Variants in FGD4 observed in about 807,000 individuals in gnomAD.
The protein encoded by FGD4 is FYVE, RhoGEF and PH domain-containing protein 4.
A neutral mutation model predicts 102.0 loss-of-function variants in FGD4; 42 were observed. That is an observed-to-expected ratio of 0.41 (90% CI 0.32 to 0.53). The LOEUF (loss-of-function observed/expected upper bound fraction) is 0.53, where lower values mean the gene tolerates loss of function less well. FGD4 is among the 20% of genes least tolerant of loss of function. The pLI is 0.21. For synonymous variants in FGD4, 380 were observed against 375.7 expected (o/e 1.01, Z -0.13); for missense variants, 902 against 1,078.2 (o/e 0.84, Z 2.29).
chr12:32,400,811 C>G (rs930414934), intron 1 of FGD4, among the ~76,000 whole-genome samples: 4 of 152,178 alleles, frequency 2.6e-5, no homozygotes, highest in Non-Finnish European at 4.4e-5. Flanking sequence ...ACAAATAATT[C>G]TAATTACTTT....
At chr12:32,519,645 T>TA (rs796364765) in intron 1 of FGD4, among the ~76,000 whole-genome samples, 66 of 151,366 alleles carry the variant, frequency 4.4e-4, no homozygotes, top group African/African-American at 1.4e-3. Context: ...TAAAATAAAA[T>TA]AAAAAAATAA....
chr12:32,581,843 A>G, intron 3 of FGD4, 117 bp from the exon 4 acceptor site: 3 of 1,111,786 alleles, frequency 2.7e-6, no homozygotes, highest in Non-Finnish European at 3.9e-6. Flanking sequence ...TTCTGAAACC[A>G]TCAGAGATAG....
chr12:32,512,409 T>C (rs1371191777), intron 1 of FGD4, among the ~76,000 whole-genome samples: 1 of 151,150 alleles, frequency 6.6e-6, no homozygotes, highest in African/African-American at 2.4e-5. Context: ...ATCCTGTCAT[T>C]GCACCCCAGC....
At chr12:32,463,716 G>T (rs1943173267) in intron 1 of FGD4, among the ~76,000 whole-genome samples, 1 of 152,178 alleles carries the variant, frequency 6.6e-6, no homozygotes, top group Non-Finnish European at 1.5e-5. Flanking sequence ...AGAAACTTAG[G>T]CTCCAAGTTT....
In FGD4 at chr12:32,595,140, T is replaced by C. The variant is rs141217933; in HGVS notation, c.1012-3357T>C. 1.9e-3 allele frequency among the ~76,000 whole-genome samples: 297 copies of C among 152,312 alleles called. 2 individuals carry two copies. Among genetic ancestry groups the C allele is most frequent in the East Asian group, 0.016 (81 of 5,190 alleles). On this transcript the variant is annotated intron_variant, in intron 4 of 16. Transcript: ENST00000534526. ...GACAGCATATTCCTGTATCTTCCTCTGAAATATTGATAGGTGTCTTATGTA... is the reference window on the plus strand; with the variant it reads ...GACAGCATATTCCTGTATCTTCCTCCGAAATATTGATAGGTGTCTTATGTA...
intron 6 of FGD4, 57 bp downstream of exon 6, chr12:32,601,480 C>CG: frequency 6.4e-7 from 1 of 1,552,440 alleles, no homozygotes; most frequent in South Asian, 1.2e-5. Flanking sequence ...TATTTTTCAG[C>CG]TTTTAAATTG....
chr12:32,412,896 GA>G (rs1474682789), intron 1 of FGD4, among the ~76,000 whole-genome samples: 12 of 89,480 alleles, frequency 1.3e-4, no homozygotes, highest in African/African-American at 2.4e-4. Flanking sequence ...CCCTTTTCTA[GA>G]AATTTTTTTT....
chr12:32,422,288 C>CTTTTTTTTTTTGTTTTTTTT (rs1941661818), intron 1 of FGD4, among the ~76,000 whole-genome samples: 1 of 54,154 alleles, frequency 1.8e-5, no homozygotes, highest in Non-Finnish European at 3.3e-5. Flanking sequence ...TTGGGAGCTG[C>CTTTTTTTTTTTGTTTTTTTT]TTTTTTTTTT....
In FGD4 at chr12:32,525,726, A is replaced by T. The variant is rs532578970; in HGVS notation, c.167-38411A>T. Among the ~76,000 whole-genome samples, 21 of 152,294 alleles carry T rather than the reference A, an allele frequency of 1.4e-4. No individual in the cohort carries two copies. The East Asian group carries it at 3.7e-3, about 27-fold the overall frequency. On this transcript the variant is annotated intron_variant, in intron 1 of 16. Coordinates refer to ENST00000534526, the MANE Select transcript of FGD4 (RefSeq NM_001370298.3). ...CGTGTGGCGCTTGTGGGCCAGCTGG[A>T]GTTCCAGGTGGGCGTGGGCTTGGTG...
chr12:32,595,466 A>G lies in FGD4; in HGVS notation c.1012-3031A>G, dbSNP rs558165955. Among the ~76,000 whole-genome samples the G allele has an allele frequency of 1.3e-4, 20 of 152,234 alleles. No homozygotes were observed. In the South Asian group the frequency reaches 3.9e-3, roughly 30 times the overall value. Reference sequence around the variant, plus strand: ...TACTCTCATTCTCTGGGAGCCTGAAATGTCTTCCCATTGGGCTCTGCCTTA... The same window carrying G: ...TACTCTCATTCTCTGGGAGCCTGAAGTGTCTTCCCATTGGGCTCTGCCTTA... On this transcript the variant is annotated intron_variant, in intron 4 of 16. Coordinates refer to ENST00000534526, the MANE Select transcript of FGD4 (RefSeq NM_001370298.3).
intron 1 of FGD4, among the ~76,000 whole-genome samples, chr12:32,537,627 C>T (rs1295380585): frequency 6.6e-6 from 1 of 152,222 alleles, no homozygotes; most frequent in South Asian, 2.1e-4. Context: ...ATCAAATATG[C>T]TCCCTAGTCT....
At chr12:32,576,519 T>C in intron 3 of FGD4, 70 bp downstream of exon 3, 6 of 1,506,512 alleles carry the variant, frequency 4.0e-6, no homozygotes, top group Non-Finnish European at 5.5e-6. Context: ...ATGATAGTCA[T>C]AGATACATTC....
intron 16 of FGD4, among the ~76,000 whole-genome samples, chr12:32,639,839 T>G (rs1432493895): frequency 6.6e-6 from 1 of 152,256 alleles, no homozygotes; most frequent in East Asian, 1.9e-4. Context: ...CTATATAGTT[T>G]ACTCTCCTTT....
chr12:32,518,840 C>G (rs1940185988), intron 1 of FGD4, among the ~76,000 whole-genome samples: 1 of 151,120 alleles, frequency 6.6e-6, no homozygotes. Flanking sequence ...AAGGGCCAGG[C>G]ACGGCAGCTC....
In FGD4 at chr12:32,582,364, C is replaced by G. The variant is rs145496133; in HGVS notation, c.908C>G (p.Pro303Arg). The change falls in exon 4 of 17, where the codon CCC (proline) becomes CGC (arginine). Residue 303 changes from proline (P) to arginine (R), a missense_variant. Pro to Arg is a moderately radical substitution (Grantham distance 103). Coordinates refer to ENST00000534526, the MANE Select transcript of FGD4 (RefSeq NM_001370298.3). ...ACTCCAGGCATAGGCCCAGTGCTCCCCCTAGAAGAAAGAGGGGCAGAAACA... is the reference window on the plus strand; with the variant it reads ...ACTCCAGGCATAGGCCCAGTGCTCCGCCTAGAAGAAAGAGGGGCAGAAACA... ...YRTPGIGPVL[P>R]LEERGAETET... 3.7e-6 allele frequency: 6 copies of G among 1,614,086 alleles called. No individual in the cohort carries two copies. In the South Asian group the frequency reaches 5.5e-5, roughly 15 times the overall value.
chr12:32,532,762 A>C (rs1941921503), intron 1 of FGD4, among the ~76,000 whole-genome samples: 1 of 152,216 alleles, frequency 6.6e-6, no homozygotes, highest in Non-Finnish European at 1.5e-5. Flanking sequence ...TCTCTGCCAC[A>C]GTGAAATTTT....
chr12:32,609,634 C>CT (rs1372816430), intron 8 of FGD4, among the ~76,000 whole-genome samples: 1 of 152,138 alleles, frequency 6.6e-6, no homozygotes, highest in African/African-American at 2.4e-5. Context: ...CATTTTATTG[C>CT]TTTTTGTTTG....
chr12:32,540,273 T>A (rs1283622828), intron 1 of FGD4, among the ~76,000 whole-genome samples: 1 of 152,166 alleles, frequency 6.6e-6, no homozygotes, highest in Non-Finnish European at 1.5e-5. Flanking sequence ...ACAAAATATG[T>A]TTGGAGAATA....
At chr12:32,614,510 T>C (rs1949335517) in intron 10 of FGD4, among the ~76,000 whole-genome samples, 2 of 152,194 alleles carry the variant, frequency 1.3e-5, no homozygotes, top group South Asian at 4.1e-4. Context: ...TATTATGAGA[T>C]GACTTGGAGA....
Sources: allele counts gnomAD v4.1 joint callset (sites outside exome capture counted in the v4.1 genomes callset), GRCh38; gene constraint gnomAD v4.1.1; transcripts MANE v1.5; gene names NCBI Gene and HGNC (gene_info 2026-07-23, HGNC 2026-07-21).